Variants in CCND2 observed in about 807,000 individuals in gnomAD.
CCND2 encodes the protein cyclin D2, also known as G1/S-specific cyclin-D2.
CCND2 carries 6 observed loss-of-function variants against 30.2 expected under a neutral mutation model. The observed-to-expected ratio is 0.20, with a 90% CI of 0.11 to 0.39. The LOEUF is 0.39. Among genes scored for constraint, CCND2 ranks in the 10% least tolerant of loss-of-function variants. The pLI is 1.00. For missense variants in CCND2, 235 were observed against 373.4 expected, an observed-to-expected ratio of 0.63 and a Z score of 3.06; for synonymous variants, 150 against 153.1, an observed-to-expected ratio of 0.98 and a Z score of 0.15.
At position 4,293,888 on chromosome 12, in the gene CCND2, G is replaced by C. The variant is rs3217885; in HGVS notation, c.720+4898G>C. 6.6e-6 allele frequency among the ~76,000 whole-genome samples: 1 copy of C among 152,208 alleles called. No individual in the cohort carries two copies. Among genetic ancestry groups the C allele is most frequent in the Non-Finnish European group, 1.5e-5 (1 of 68,046 alleles). On this transcript the variant is annotated intron_variant, in intron 4 of 4. Coordinates refer to ENST00000261254, the MANE Select transcript of CCND2 (RefSeq NM_001759.4). This position sits in a 1 kb window ranked among gnomAD's most constrained non-coding sequence, Gnocchi z 4.9. Reference sequence around the variant, plus strand: ...AGTGTTGCTGGAAGCTGGGGGTGGGGAGGTGGAATAGAATCGGGGGCTGAT... The same window carrying C: ...AGTGTTGCTGGAAGCTGGGGGTGGGCAGGTGGAATAGAATCGGGGGCTGAT...
At chr12:4,278,011 C>T (rs1863897636) in intron 2 of CCND2, among the ~76,000 whole-genome samples, 1 of 152,256 alleles carries the variant, frequency 6.6e-6, no homozygotes, top group Non-Finnish European at 1.5e-5. Flanking sequence ...GTGGTCCCCA[C>T]ACTTGCACTG....
rs1864214012 is a variant in CCND2 at position 4,299,149 on chromosome 12, C to T, written c.721-711C>T. Among the ~76,000 whole-genome samples, 1 of 152,064 alleles carries T rather than the reference C, an allele frequency of 6.6e-6. No homozygotes were observed. Among genetic ancestry groups the T allele is most frequent in the Non-Finnish European group, 1.5e-5 (1 of 68,012 alleles). On this transcript the variant is annotated intron_variant, in intron 4 of 4. Transcript: ENST00000261254. The surrounding 1 kb of genome is among the most constrained non-coding windows in gnomAD (Gnocchi z 5.2). ...GGCCGATGCGGGCGGATCACAAGGT[C>T]AGGAGTTCGAGGCCAGCCTGGCCAA...
At chr12:4,295,158 C>T (rs1282049969) in intron 4 of CCND2, among the ~76,000 whole-genome samples, 1 of 152,248 alleles carries the variant, frequency 6.6e-6, no homozygotes, top group African/African-American at 2.4e-5. Flanking sequence ...TGAGCTCTGT[C>T]TCATGGAAGG....
intron 4 of CCND2, among the ~76,000 whole-genome samples, chr12:4,291,784 A>G (rs1279922682): frequency 1.3e-5 from 2 of 152,116 alleles, no homozygotes; most frequent in African/African-American, 2.4e-5. Flanking sequence ...AAAGAAATGA[A>G]ATTCCGATCC....
intron 4 of CCND2, among the ~76,000 whole-genome samples, chr12:4,290,586 C>T (rs571749385): frequency 1.3e-5 from 2 of 150,552 alleles, no homozygotes; most frequent in Non-Finnish European, 3.0e-5. Flanking sequence ...CGGCCACCCC[C>T]CTCCTCCTGC....
chr12:4,286,412 G>T (rs565602089), intron 3 of CCND2, among the ~76,000 whole-genome samples: 9 of 152,340 alleles, frequency 5.9e-5, no homozygotes, highest in African/African-American at 1.9e-4. Flanking sequence ...GAGGGCTGAT[G>T]TTGCCTCAGT....
chr12:4,294,605 A>G (rs3217889), intron 4 of CCND2, among the ~76,000 whole-genome samples: 145,504 of 152,222 alleles, frequency 0.96, 69,682 homozygotes, highest in South Asian at 0.99. Flanking sequence ...CTTAGAAGTC[A>G]AGGTATATAG....
chr12:4,288,237 CTTT>C (rs56794387), intron 3 of CCND2, among the ~76,000 whole-genome samples: 121 of 136,130 alleles, frequency 8.9e-4, no homozygotes, highest in Non-Finnish European at 1.1e-3. Flanking sequence ...TAGATCAAAC[CTTT>C]TTTTTTTTTT....
chr12:4,303,301 A>G lies in CCND2; in HGVS notation c.*3292A>G, dbSNP rs1176466170. Reference sequence around the variant, plus strand: ...GGCTTTTCTGCCTGCTCCTGCTTAAACACAAGAAGGAATCCTGGATTTTGC... The same window carrying G: ...GGCTTTTCTGCCTGCTCCTGCTTAAGCACAAGAAGGAATCCTGGATTTTGC... On this transcript the variant is annotated 3_prime_UTR_variant, in exon 5 of 5. Transcript: ENST00000261254. The surrounding 1 kb of genome is among the most constrained non-coding windows in gnomAD (Gnocchi z 4.6). The G allele has an allele frequency of 4.3e-6, 1 of 233,246 alleles. No homozygotes were observed. The highest frequency in any genetic ancestry group is 8.5e-6 in the Non-Finnish European group (1 of 118,132). 14.4% of individuals were successfully genotyped at this position (233,246 alleles called of 1,614,324 possible). A position where few individuals can be genotyped will look rare whatever the true frequency, so the allele number is the denominator to read the frequency against.
intron 3 of CCND2, 67 bp downstream of exon 3, chr12:4,278,986 A>G: frequency 1.3e-6 from 2 of 1,496,184 alleles, no homozygotes; most frequent in South Asian, 2.4e-5. Context: ...GGGGAGAGGC[A>G]AAAGGCCGTA....
chr12:4,297,143 C>T lies in CCND2; in HGVS notation c.721-2717C>T, dbSNP rs182556345. Among the ~76,000 whole-genome samples, 331 of 148,892 alleles carry T rather than the reference C, an allele frequency of 2.2e-3. 2 individuals are homozygous for T. The highest frequency in any genetic ancestry group is 7.9e-3 in the African/African-American group (317 of 40,302). ...TAGAACCTGCCTAAGGGACATTCCA[C>T]AGCAGTTCTGACCGTTGTCACTTTG... On this transcript the variant is annotated intron_variant, in intron 4 of 4. Coordinates refer to ENST00000261254, the MANE Select transcript of CCND2 (RefSeq NM_001759.4).
At chr12:4,279,030 G>T in intron 3 of CCND2, 111 bp downstream of exon 3, 1 of 1,131,652 alleles carries the variant, frequency 8.8e-7, no homozygotes. Context: ...GTTTGGAGGA[G>T]GGGTGGTCTT....
At position 4,285,591 on chromosome 12, in the gene CCND2, C is replaced by T. The variant is rs1864011805; in HGVS notation, c.572-3251C>T. On this transcript the variant is annotated intron_variant, in intron 3 of 4. Transcript: ENST00000261254. The surrounding 1 kb of genome is among the most constrained non-coding windows in gnomAD (Gnocchi z 4.1). The stretch of plus-strand genomic sequence containing the variant: ...TACCCATGGTTGTAATCTTCATCGT[C>T]GCATGCATGCATGCAATTTGGTTTT... 1 of 212,240 alleles carries T rather than the reference C, an allele frequency of 4.7e-6. No individual in the cohort carries two copies. The highest frequency in any genetic ancestry group is 8.1e-6 in the Non-Finnish European group (1 of 123,022). The allele number at this position is 212,240 out of a possible 1,614,324, so 13.1% of individuals were successfully genotyped here.
In CCND2 at chr12:4,274,387, G is replaced by T; in HGVS notation, c.195+152G>T. The T allele has an allele frequency of 1.3e-6, 1 of 778,346 alleles. No individual in the cohort carries two copies. Among genetic ancestry groups the T allele is most frequent in the Non-Finnish European group, 2.1e-6 (1 of 478,370 alleles). 48.2% of individuals were successfully genotyped at this position (778,346 alleles called of 1,614,324 possible). ...CCGCGCGCCTTCTGGCGAGACGCGT[G>T]GCTTTATTTCTGTTCCTCTCCAGAT... On this transcript the variant is annotated intron_variant, in intron 1 of 4. Coordinates refer to ENST00000261254, the MANE Select transcript of CCND2 (RefSeq NM_001759.4). This position sits in a 1 kb window ranked among gnomAD's most constrained non-coding sequence, Gnocchi z 7.7.
At chr12:4,289,938 C>CCCTG (rs1864075761) in intron 4 of CCND2, among the ~76,000 whole-genome samples, 1 of 152,134 alleles carries the variant, frequency 6.6e-6, no homozygotes, top group Non-Finnish European at 1.5e-5. Flanking sequence ...TGAAAAAAAA[C>CCCTG]CCTGGGGTTT....
chr12:4,276,523 G>A lies in CCND2; in HGVS notation c.411+303G>A, dbSNP rs552073087. ...TTGTGTATGCATGTGTGTAGGGGAC[G>A]CATGGAATATTTTAATTAACAGTGA... On this transcript the variant is annotated intron_variant, in intron 2 of 4. Coordinates refer to ENST00000261254, the MANE Select transcript of CCND2 (RefSeq NM_001759.4). This position sits in a 1 kb window ranked among gnomAD's most constrained non-coding sequence, Gnocchi z 4.8. Among the ~76,000 whole-genome samples, 6 of 152,296 alleles carry A rather than the reference G, an allele frequency of 3.9e-5. No individual in the cohort carries two copies. The South Asian group carries it at 1.0e-3, about 26-fold the overall frequency.
chr12:4,280,859 G>A (rs1863938899), intron 3 of CCND2, among the ~76,000 whole-genome samples: 3 of 152,198 alleles, frequency 2.0e-5, no homozygotes, highest in Admixed American at 2.0e-4. Context: ...CTCTGATTGG[G>A]GTAGGGGTGC....
chr12:4,277,034 G>A (rs1257693995), intron 2 of CCND2, among the ~76,000 whole-genome samples: 3 of 152,202 alleles, frequency 2.0e-5, no homozygotes, highest in Non-Finnish European at 2.9e-5. Flanking sequence ...CACTGGTAGG[G>A]CCCGCACAAA....
Position 4,299,243 on chromosome 12 carries a change from C to T in CCND2, c.721-617C>T, listed in dbSNP as rs1450906465. On this transcript the variant is annotated intron_variant, in intron 4 of 4. Coordinates refer to ENST00000261254, the MANE Select transcript of CCND2 (RefSeq NM_001759.4). The surrounding 1 kb of genome is among the most constrained non-coding windows in gnomAD (Gnocchi z 5.2). Reference sequence around the variant, plus strand: ...GGCGCGGTGGCGGGTGCCTGTAGTCCCAGCTACTTGGGAGGCTGAGGCAGG... The same window carrying T: ...GGCGCGGTGGCGGGTGCCTGTAGTCTCAGCTACTTGGGAGGCTGAGGCAGG... Among the ~76,000 whole-genome samples the T allele has an allele frequency of 6.6e-6, 1 of 152,128 alleles. No individual in the cohort carries two copies. Among genetic ancestry groups the T allele is most frequent in the Non-Finnish European group, 1.5e-5 (1 of 68,026 alleles).
Sources: gnomAD v4.1 joint callset for allele counts (sites outside exome capture counted in the v4.1 genomes callset) on GRCh38, gnomAD v4.1.1 for gene constraint, Gnocchi (gnomAD v3.1) non-coding constraint, MANE v1.5 for transcripts, NCBI Gene and HGNC (gene_info 2026-07-23, HGNC 2026-07-21) for gene names.